ABL1: variants seen among roughly 807,000 people sequenced by gnomAD.
ABL1 encodes ABL proto-oncogene 1, non-receptor tyrosine kinase.
A neutral mutation model predicts 94.7 loss-of-function variants in ABL1; 11 were observed. The observed-to-expected ratio is 0.12, with a 90% CI of 0.07 to 0.19. The LOEUF is 0.19. Among genes scored for constraint, ABL1 ranks in the 10% least tolerant of loss-of-function variants. The pLI is 1.00. For synonymous variants in ABL1, 656 were observed against 622.4 expected (o/e 1.05, Z -0.80); for missense variants, 1,082 against 1,489.4 (o/e 0.73, Z 4.50).
chr9:130,727,922 A>G (rs1366605439), intron 1 of ABL1, among the ~76,000 whole-genome samples: 1 of 152,076 alleles, frequency 6.6e-6, no homozygotes, highest in East Asian at 1.9e-4. Context: ...AATAAAACCA[A>G]AAGCTAACTT....
intron 1 of ABL1, among the ~76,000 whole-genome samples, chr9:130,850,902 TTTTGTTTGTTTTTGTTTG>T (rs1830847413): frequency 6.6e-6 from 1 of 151,468 alleles, no homozygotes; most frequent in South Asian, 2.1e-4. Flanking sequence ...CGTTGTTGTT[TTTTGTTTGTTTTTGTTTG>T]TTTGTTTGTT....
chr9:130,714,290 C>T, exon 1 of ABL1: 1 of 1,553,756 alleles, frequency 6.4e-7, no homozygotes, highest in Non-Finnish European at 8.7e-7. Context: ...CTTGAACCCT[C>T]TTCTGGAAAG....
intron 1 of ABL1, among the ~76,000 whole-genome samples, chr9:130,811,030 T>G (rs899043185): frequency 1.3e-5 from 2 of 152,128 alleles, no homozygotes; most frequent in African/African-American, 4.8e-5. Context: ...AGAAAACAGT[T>G]GTCTACCTAG....
intron 10 of ABL1, among the ~76,000 whole-genome samples, chr9:130,881,406 T>C (rs2772032): frequency 1 from 151,823 of 152,258 alleles, 75,695 homozygotes; most frequent in East Asian, 1. Flanking sequence ...GAGGTTTCAC[T>C]GACTCACAGT....
At chr9:130,819,075 C>G (rs560099958) in intron 1 of ABL1, among the ~76,000 whole-genome samples, 7 of 152,250 alleles carry the variant, frequency 4.6e-5, no homozygotes, top group African/African-American at 1.7e-4. Flanking sequence ...CTCATCCTGC[C>G]GGGCGCGATG....
exon 1 of ABL1, among the ~76,000 whole-genome samples, chr9:130,713,246 G>A (rs767640746): frequency 6.6e-6 from 1 of 152,104 alleles, no homozygotes; most frequent in Non-Finnish European, 1.5e-5. Context: ...CGGGGGAGGG[G>A]GTGTCTCGGG....
Position 130,727,752 on chromosome 9 carries a change from C to A in ABL1, c.136+13297C>A, listed in dbSNP as rs996254893. ...GCCTGGGTGACAGAGTGAGACACCGCCCCCCCCCCCCAAAAAAAAGCATTT... is the reference window on the plus strand; with the variant it reads ...GCCTGGGTGACAGAGTGAGACACCGACCCCCCCCCCCAAAAAAAAGCATTT... On this transcript the variant is annotated intron_variant, in intron 1 of 10. Coordinates refer to the ABL1 transcript ENST00000372348. 1.0e-4 allele frequency among the ~76,000 whole-genome samples: 4 copies of A among 39,506 alleles called. No homozygotes were observed. In the East Asian group the frequency reaches 1.6e-3, roughly 16 times the overall value. 25.9% of individuals were successfully genotyped at this position (39,506 alleles called of 152,430 possible). A position where few individuals can be genotyped will look rare whatever the true frequency, so the allele number is the denominator to read the frequency against.
chr9:130,714,311 T>A (rs1268023503), exon 1 of ABL1: 1 of 1,591,886 alleles, frequency 6.3e-7, no homozygotes, highest in Non-Finnish European at 8.6e-7. Flanking sequence ...GGGTACCTAT[T>A]ATTACTTTAT....
chr9:130,774,449 C>A (rs545257774), intron 1 of ABL1, among the ~76,000 whole-genome samples: 2 of 151,834 alleles, frequency 1.3e-5, no homozygotes, highest in African/African-American at 4.8e-5. Context: ...TTCAGACTGC[C>A]CTATAAAGCT....
At chr9:130,875,943 T>C (rs1831334192) in intron 7 of ABL1, among the ~76,000 whole-genome samples, 1 of 152,184 alleles carries the variant, frequency 6.6e-6, no homozygotes, top group South Asian at 2.1e-4. Context: ...TTCTCCTGCC[T>C]CAGCCTCCTG....
At chr9:130,738,231 A>G (rs184272923) in intron 1 of ABL1, among the ~76,000 whole-genome samples, 2 of 152,238 alleles carry the variant, frequency 1.3e-5, no homozygotes, top group Admixed American at 6.5e-5. Flanking sequence ...AACATTGCAC[A>G]AGGGGGAAAG....
chr9:130,854,649 A>T, intron 2 of ABL1, 152 bp from the exon 3 acceptor site: 1 of 826,296 alleles, frequency 1.2e-6, no homozygotes, highest in Non-Finnish European at 1.9e-6. Context: ...GAATTCTCAT[A>T]CACTTATAAA....
At chr9:130,750,216 T>A (rs868830011) in intron 1 of ABL1, among the ~76,000 whole-genome samples, 1 of 133,810 alleles carries the variant, frequency 7.5e-6, no homozygotes, top group African/African-American at 3.0e-5. Flanking sequence ...TATATATATA[T>A]ATATATATAT....
chr9:130,817,656 A>G (rs1203991737), intron 1 of ABL1, among the ~76,000 whole-genome samples: 1 of 152,220 alleles, frequency 6.6e-6, no homozygotes, highest in Non-Finnish European at 1.5e-5. Context: ...CTTTCTGCAG[A>G]AAGTAAAAAA....
At chr9:130,818,254 G>A (rs936144989) in intron 1 of ABL1, among the ~76,000 whole-genome samples, 1 of 152,178 alleles carries the variant, frequency 6.6e-6, no homozygotes, top group Non-Finnish European at 1.5e-5. Flanking sequence ...TGGATCACTT[G>A]AGGCCAGGAG....
At chr9:130,735,957 A>ATC (rs1238756333) in intron 1 of ABL1, among the ~76,000 whole-genome samples, 1 of 43,838 alleles carries the variant, frequency 2.3e-5, no homozygotes, top group East Asian at 8.2e-4. Context: ...ATATATATAT[A>ATC]TATATTTTTT....
chr9:130,733,419 GAT>G (rs1831691209), intron 1 of ABL1, among the ~76,000 whole-genome samples: 1 of 151,934 alleles, frequency 6.6e-6, no homozygotes. Context: ...ATCTCTTGTG[GAT>G]GTGTAAAGTT....
rs767173632 is a variant in ABL1, at chr9:130,884,166, G to T, written c.1876G>T (p.Gly626Cys). The T allele has an allele frequency of 6.2e-7, 1 of 1,612,840 alleles. No homozygotes were observed. Among genetic ancestry groups the T allele is most frequent in the African/African-American group, 1.3e-5 (1 of 74,870 alleles). ...KRSSSFREMD[G>C]QPERRGAGEE... is the part of the protein sequence containing the mutation. ...CAGCAGCTCCTTCCGGGAGATGGACGGCCAGCCGGAGCGCAGAGGGGCCGG... is the reference window on the plus strand; with the variant it reads ...CAGCAGCTCCTTCCGGGAGATGGACTGCCAGCCGGAGCGCAGAGGGGCCGG... Residue 626 changes from glycine to cysteine, a missense_variant, in exon 11 of 11, where the codon GGC becomes TGC. Around this residue, in one of 7 missense-constraint regions of ABL1, gnomAD observed 780 missense variants for 835.8 expected, o/e 0.93. Coordinates refer to ENST00000318560, the MANE Select transcript of ABL1 (RefSeq NM_005157.6). The surrounding 1 kb of genome is among the most constrained non-coding windows in gnomAD (Gnocchi z 5.6).
chr9:130,872,409 G>A lies in ABL1; in HGVS notation c.907+196G>A, dbSNP rs529221846. On this transcript the variant is annotated intron_variant, in intron 5 of 10. Coordinates refer to ENST00000318560, the MANE Select transcript of ABL1 (RefSeq NM_005157.6). This position sits in a 1 kb window ranked among gnomAD's most constrained non-coding sequence, Gnocchi z 5.0. ...CGTGTGTGCACATATGCACATGTAT[G>A]TATGAGAGGGAGAATGTGATTATTT... Among the ~76,000 whole-genome samples the A allele has an allele frequency of 1.3e-5, 2 of 152,374 alleles. No homozygotes were observed. The highest frequency in any genetic ancestry group is 1.3e-4 in the Admixed American group (2 of 15,312).
Sources: gnomAD v4.1 joint callset for allele counts (sites outside exome capture counted in the v4.1 genomes callset) on GRCh38, gnomAD v4.1.1 for gene constraint, gnomAD v4.1.1 regional missense constraint, Gnocchi (gnomAD v3.1) non-coding constraint, MANE v1.5 for transcripts, NCBI Gene and HGNC (gene_info 2026-07-23, HGNC 2026-07-21) for gene names.